The following TMEM250 variants were observed in gnomAD, a reference collection of about 807,000 sequenced individuals.
TMEM250 encodes the protein herpes virus UL25-binding protein.
A neutral mutation model predicts 7.0 loss-of-function variants in TMEM250; 7 were observed. The observed-to-expected ratio is 1.00, with a 90% confidence interval of 0.57 to 1.87. The LOEUF is 1.87. Among genes scored for constraint, TMEM250 ranks in the 40% most tolerant of loss-of-function variants. TMEM250 has a pLI of 0.00. For synonymous variants in TMEM250, 135 were observed against 96.7 expected (o/e 1.40, Z -2.32); for missense variants, 196 against 202.5 (o/e 0.97, Z 0.19).
At chr9:136,117,335 G>A (rs2131217673) in intron 1 of TMEM250, among the ~76,000 whole-genome samples, 1 of 152,354 alleles carries the variant, frequency 6.6e-6, no homozygotes, top group East Asian at 1.9e-4. Flanking sequence ...GAAGGGGCAA[G>A]AGTGGCTCTT....
In TMEM250 at chr9:136,116,422, C is replaced by G; in HGVS notation, c.*59G>C. 5 of 1,462,816 alleles carry G rather than the reference C, an allele frequency of 3.4e-6. No individual in the cohort carries two copies. Among genetic ancestry groups the G allele is most frequent in the Non-Finnish European group, 4.5e-6 (5 of 1,108,192 alleles). 90.6% of individuals were successfully genotyped at this position (1,462,816 alleles called of 1,614,324 possible). A position where few individuals can be genotyped will look rare whatever the true frequency, so the allele number is the denominator to read the frequency against. The stretch of plus-strand genomic sequence containing the variant: ...GAAGGGAAGGCGCTGGCCGACCCCA[C>G]CCATGGAGAGAACACAGCCACAGGC... On this transcript the variant is annotated 3_prime_UTR_variant, in exon 2 of 2. Coordinates refer to ENST00000418388, the MANE Select transcript of TMEM250 (RefSeq NM_152833.3).
rs1340699347 is a variant in TMEM250 at position 136,116,854 on chromosome 9, G to C, written c.47C>G (p.Pro16Arg). ...IPRRVRSFHG[P>R]HTTCLHAACG... ...GGCCGCATGCAGGCAGGTGGTGTGC[G>C]GGCCGTGGAAGGAGCGCACCCGCCG... Residue 16 changes from proline (P) to arginine (R), a missense_variant, in exon 2 of 2, where the codon CCG (proline) becomes CGG (arginine). Coordinates refer to ENST00000418388, the MANE Select transcript of TMEM250 (RefSeq NM_152833.3). 2.5e-6 allele frequency: 4 copies of C among 1,593,322 alleles called. No individual in the cohort carries two copies. The highest frequency in any genetic ancestry group is 1.7e-5 in the Admixed American group (1 of 57,170).
chr9:136,117,036 G>GCCGCAAAAC lies in TMEM250; in HGVS notation c.-124-21_-124-13dup. On this transcript the variant is annotated splice_polypyrimidine_tract_variant and intron_variant, in intron 1 of 1. Coordinates refer to ENST00000418388, the MANE Select transcript of TMEM250 (RefSeq NM_152833.3). ...GGGGAGGCGTCGGCCTGCGGGGAGA[G>GCCGCAAAAC]CCGCAAAACCCACGTCAGTATGAGG... 1.5e-6 allele frequency: 2 copies of GCCGCAAAAC among 1,332,258 alleles called. No homozygotes were observed. Among genetic ancestry groups the GCCGCAAAAC allele is most frequent in the Non-Finnish European group, 1.9e-6 (2 of 1,040,418 alleles). 82.5% of individuals were successfully genotyped at this position (1,332,258 alleles called of 1,614,324 possible).
intron 1 of TMEM250, among the ~76,000 whole-genome samples, 153 bp from the exon 2 acceptor site, chr9:136,117,177 T>C (rs1463385041): frequency 1.3e-5 from 2 of 152,158 alleles, no homozygotes; most frequent in Admixed American, 6.5e-5. Context: ...CCTGGGCTCT[T>C]TTCCACAAAC....
intron 1 of TMEM250, 90 bp downstream of exon 1, chr9:136,118,395 G>T (rs1319135261): frequency 6.6e-6 from 1 of 151,870 alleles, no homozygotes; most frequent in Non-Finnish European, 1.5e-5. Context: ...CCTGGCTGCA[G>T]AGCCCCTGCC....
chr9:136,117,331 G>A (rs1405283346), intron 1 of TMEM250, among the ~76,000 whole-genome samples: 1 of 152,230 alleles, frequency 6.6e-6, no homozygotes, highest in Non-Finnish European at 1.5e-5. Context: ...ATGGGAAGGG[G>A]CAAGAGTGGC....
chr9:136,115,990 T>C lies in TMEM250; in HGVS notation c.*491A>G, dbSNP rs1830693358. The C allele has an allele frequency of 7.4e-6, 3 of 406,494 alleles. No individual in the cohort carries two copies. Among genetic ancestry groups the C allele is most frequent in the African/African-American group, 2.1e-5 (1 of 48,672 alleles). 25.2% of individuals were successfully genotyped at this position (406,494 alleles called of 1,614,324 possible). On this transcript the variant is annotated 3_prime_UTR_variant, in exon 2 of 2. Transcript: ENST00000418388. Reference sequence around the variant, plus strand: ...GGCAGAGTAAGCAGCTTTGTGGCAGTGTGGTGTGTCAGCGAGGGGAGCCTT... The same window carrying C: ...GGCAGAGTAAGCAGCTTTGTGGCAGCGTGGTGTGTCAGCGAGGGGAGCCTT...
rs774205895 is a variant in TMEM250 at position 136,116,715 on chromosome 9, G to A, written c.186C>T (p.Cys62=). 3 of 1,612,410 alleles carry A rather than the reference G, an allele frequency of 1.9e-6. No individual in the cohort carries two copies. The highest frequency in any genetic ancestry group is 2.7e-5 in the African/African-American group (2 of 74,946). ...CCCAGAGCGCCGCAGTGAACAGGCTGCAGCTAAAGTAGAGTAGGAAGCGGA... is the reference window on the plus strand; with the variant it reads ...CCCAGAGCGCCGCAGTGAACAGGCTACAGCTAAAGTAGAGTAGGAAGCGGA... ...GFIRFLLYFS[C]SLFTAALWGA... is the part of the protein sequence containing the mutation. Residue 62 remains cysteine (C), a synonymous_variant, in exon 2 of 2, where the codon TGC becomes TGT. Coordinates refer to ENST00000418388, the MANE Select transcript of TMEM250 (RefSeq NM_152833.3).
chr9:136,116,081 C>A lies in TMEM250; in HGVS notation c.*400G>T. 2.4e-6 allele frequency: 1 copy of A among 416,648 alleles called. No individual in the cohort carries two copies. The highest frequency in any genetic ancestry group is 4.2e-6 in the Non-Finnish European group (1 of 237,034). The allele number at this position is 416,648 out of a possible 1,614,324, so 25.8% of individuals were successfully genotyped here. A position where few individuals can be genotyped will look rare whatever the true frequency, so the allele number is the denominator to read the frequency against. On this transcript the variant is annotated 3_prime_UTR_variant, in exon 2 of 2. Coordinates refer to ENST00000418388, the MANE Select transcript of TMEM250 (RefSeq NM_152833.3). ...AGGGGCTGTGCAGCCAGGAGGGCCC[C>A]CCTCCGGAATTGCTCCTGGGCACAC...
chr9:136,116,556 G>T lies in TMEM250; in HGVS notation c.345C>A (p.Leu115=), dbSNP rs375148458. ...GCATGGTGACGTGGATGCCATAGACGAGCAGCTCGTTCACCAGGCGGAAGT... is the reference window on the plus strand; with the variant it reads ...GCATGGTGACGTGGATGCCATAGACTAGCAGCTCGTTCACCAGGCGGAAGT... The part of the protein sequence containing the change: ...RVDFRLVNEL[L]VYGIHVTMLL... Residue 115 remains leucine (L), a synonymous_variant, in exon 2 of 2, where the codon CTC becomes CTA. Transcript: ENST00000418388. 5 of 1,597,230 alleles carry T rather than the reference G, an allele frequency of 3.1e-6. No individual in the cohort carries two copies. Among genetic ancestry groups the T allele is most frequent in the East Asian group, 4.5e-5 (2 of 44,774 alleles).
rs965070196 is a variant in TMEM250, at chr9:136,118,837, C to T, written c.-477G>A. ...CCCTTCCCCCTGCTCCGGGCCCGCG[C>T]TGGGCGTCCCGGACTCGTCGCTTCC... is the stretch of plus-strand genomic sequence containing the variant. On this transcript the variant is annotated 5_prime_UTR_variant, in exon 1 of 2. Coordinates refer to ENST00000418388, the MANE Select transcript of TMEM250 (RefSeq NM_152833.3). 5.9e-5 allele frequency: 9 copies of T among 152,236 alleles called. 1 individual carries two copies. Among genetic ancestry groups the T allele is most frequent in the Admixed American group, 5.2e-4 (8 of 15,290 alleles). 9.4% of individuals were successfully genotyped at this position (152,236 alleles called of 1,614,324 possible).
Position 136,116,911 on chromosome 9 carries a change from C to CGGCGGCGGCGCTAGGTCGCAGT in TMEM250, c.-33_-12dup. On this transcript the variant is annotated 5_prime_UTR_variant, in exon 2 of 2. It introduces an in-frame stop codon into an upstream open reading frame of the 5' UTR. Coordinates refer to ENST00000418388, the MANE Select transcript of TMEM250 (RefSeq NM_152833.3). ...GGGCATGACCGGCATTGGGCCCCGGCGGCGGCGGCGCTAGGTCGCAGTGGC... is the reference window on the plus strand; with the variant it reads ...GGGCATGACCGGCATTGGGCCCCGGCGGCGGCGGCGCTAGGTCGCAGTGGCGGCGGCGCTAGGTCGCAGTGGC... 2.0e-6 allele frequency: 3 copies of CGGCGGCGGCGCTAGGTCGCAGT among 1,487,082 alleles called. No homozygotes were observed. The highest frequency in any genetic ancestry group is 2.7e-6 in the Non-Finnish European group (3 of 1,124,434). 92.1% of individuals were successfully genotyped at this position (1,487,082 alleles called of 1,614,324 possible). A position where few individuals can be genotyped will look rare whatever the true frequency, so the allele number is the denominator to read the frequency against.
At position 136,116,978 on chromosome 9, in the gene TMEM250, C is replaced by T. The variant is rs1830720154; in HGVS notation, c.-78G>A. 7.3e-7 allele frequency: 1 copy of T among 1,371,158 alleles called. No homozygotes were observed. The highest frequency in any genetic ancestry group is 9.4e-7 in the Non-Finnish European group (1 of 1,068,052). The allele number at this position is 1,371,158 out of a possible 1,614,324, so 84.9% of individuals were successfully genotyped here. A position where few individuals can be genotyped will look rare whatever the true frequency, so the allele number is the denominator to read the frequency against. The stretch of plus-strand genomic sequence containing the variant: ...CGGCTGTTGGCGTAGGGGTCATGGG[C>T]GCCTAGGCCTGGGAGCCCGCAGCTG... On this transcript the variant is annotated 5_prime_UTR_variant, in exon 2 of 2. Transcript: ENST00000418388.
At chr9:136,117,634 C>T (rs1830735013) in intron 1 of TMEM250, among the ~76,000 whole-genome samples, 3 of 152,244 alleles carry the variant, frequency 2.0e-5, no homozygotes. Context: ...TGGCACTGTC[C>T]TTCCCTAGCA....
Position 136,116,373 on chromosome 9 carries a change from G to A in TMEM250, c.*108C>T. The A allele has an allele frequency of 7.0e-7, 1 of 1,418,742 alleles. No homozygotes were observed. Among genetic ancestry groups the A allele is most frequent in the Admixed American group, 2.9e-5 (1 of 34,440 alleles). 87.9% of individuals were successfully genotyped at this position (1,418,742 alleles called of 1,614,324 possible). Reference sequence around the variant, plus strand: ...CTTTTCTCTCCGTGGGCGCCGGGCAGCAGCGACTGCCTGGGGGATGGGCGA... The same window carrying A: ...CTTTTCTCTCCGTGGGCGCCGGGCAACAGCGACTGCCTGGGGGATGGGCGA... On this transcript the variant is annotated 3_prime_UTR_variant, in exon 2 of 2. Transcript: ENST00000418388.
chr9:136,117,138 T>C (rs1588598648), intron 1 of TMEM250, 114 bp from the exon 2 acceptor site: 2 of 592,584 alleles, frequency 3.4e-6, no homozygotes, highest in Non-Finnish European at 5.2e-6. Flanking sequence ...TACGGGAAAA[T>C]GGAGTCCAGG....
Position 136,116,172 on chromosome 9 carries a change from A to T in TMEM250, c.*309T>A, listed in dbSNP as rs1830696574. The T allele has an allele frequency of 7.8e-6, 4 of 511,864 alleles. No individual in the cohort carries two copies. Among genetic ancestry groups the T allele is most frequent in the Admixed American group, 3.7e-5 (1 of 26,840 alleles). The allele number at this position is 511,864 out of a possible 1,614,324, so 31.7% of individuals were successfully genotyped here. On this transcript the variant is annotated 3_prime_UTR_variant, in exon 2 of 2. Transcript: ENST00000418388. The stretch of plus-strand genomic sequence containing the variant: ...GTCCCTGGCAGCTGTGGTCCTGGAG[A>T]GAGGCCCACAGAGAGGCGGAACGGA...
chr9:136,116,828 A>G lies in TMEM250; in HGVS notation c.73T>C (p.Cys25Arg). 6.2e-7 allele frequency: 1 copy of G among 1,609,592 alleles called. No homozygotes were observed. Among genetic ancestry groups the G allele is most frequent in the Non-Finnish European group, 8.5e-7 (1 of 1,178,846 alleles). ...AGGTGGGAGGCGCGCACGGGCCCGCAGGCCGCATGCAGGCAGGTGGTGTGC... is the reference window on the plus strand; with the variant it reads ...AGGTGGGAGGCGCGCACGGGCCCGCGGGCCGCATGCAGGCAGGTGGTGTGC... ...GPHTTCLHAA[C>R]GPVRASHLAR... is the part of the protein sequence containing the mutation. The change falls in exon 2 of 2, where the codon TGC becomes CGC. Residue 25 changes from cysteine to arginine, a missense_variant. Physicochemically the swap from Cys to Arg is radical, Grantham distance 180. Transcript: ENST00000418388.
Position 136,118,680 on chromosome 9 carries a change from T to G in TMEM250, c.-320A>C, listed in dbSNP as rs1830766613. 1 of 152,326 alleles carries G rather than the reference T, an allele frequency of 6.6e-6. No homozygotes were observed. The highest frequency in any genetic ancestry group is 1.5e-5 in the Non-Finnish European group (1 of 68,292). 9.4% of individuals were successfully genotyped at this position (152,326 alleles called of 1,614,324 possible). On this transcript the variant is annotated 5_prime_UTR_variant, in exon 1 of 2. Transcript: ENST00000418388. ...CACGCGTCGCCGGCTGGGGTCGCCC[T>G]GCAGGTGAAGGGGCTCTCGGGCGCG...
Sources: allele counts gnomAD v4.1 joint callset (sites outside exome capture counted in the v4.1 genomes callset), GRCh38; gene constraint gnomAD v4.1.1; transcripts MANE v1.5; gene names NCBI Gene and HGNC (gene_info 2026-07-23, HGNC 2026-07-21).